The following WWOX variants were observed in gnomAD, a reference collection of about 807,000 sequenced individuals.
The protein encoded by WWOX is WW domain containing oxidoreductase.
A neutral mutation model predicts 46.2 loss-of-function variants in WWOX; 69 were observed. That is an observed-to-expected ratio of 1.49 (90% CI 1.23 to 1.82). WWOX has a LOEUF of 1.82. Among genes scored for constraint, WWOX ranks in the 40% most tolerant of loss-of-function variants. The pLI, the probability that WWOX is intolerant of heterozygous loss-of-function variation, is 0.00. For missense variants in WWOX, 919 were observed against 542.6 expected, an observed-to-expected ratio of 1.69 and a Z score of -6.89; for synonymous variants, 359 against 202.6, an observed-to-expected ratio of 1.77 and a Z score of -6.56.
chr16:78,604,252 G>A (rs1236080504), intron 8 of WWOX, among the ~76,000 whole-genome samples: 1 of 152,074 alleles, frequency 6.6e-6, no homozygotes, highest in Admixed American at 6.5e-5. Flanking sequence ...TAACTCCTGG[G>A]GCACCCTTCC....
chr16:78,675,477 G>C (rs991753387), intron 8 of WWOX, among the ~76,000 whole-genome samples: 1 of 152,048 alleles, frequency 6.6e-6, no homozygotes, highest in Non-Finnish European at 1.5e-5. Context: ...GCCTTGCCAT[G>C]TTCCAGGCAC....
chr16:78,414,373 A>AGCCTG (rs2082750482), intron 6 of WWOX, among the ~76,000 whole-genome samples: 2 of 152,206 alleles, frequency 1.3e-5, no homozygotes, highest in South Asian at 4.1e-4. Context: ...GTTCAAGACC[A>AGCCTG]GCCTGGCCAA....
chr16:78,930,691 C>G (rs532469405), intron 8 of WWOX, among the ~76,000 whole-genome samples: 62 of 151,270 alleles, frequency 4.1e-4, no homozygotes, highest in Non-Finnish European at 7.7e-4. Flanking sequence ...GTAAATGTAT[C>G]AAGGACAAAG....
intron 6 of WWOX, among the ~76,000 whole-genome samples, chr16:78,408,092 C>T (rs765144911): frequency 9.2e-5 from 14 of 152,068 alleles, no homozygotes; most frequent in Non-Finnish European, 1.8e-4. Flanking sequence ...AGGAGCCGGT[C>T]CCTGTTGAAA....
chr16:78,545,883 T>A (rs993606458), intron 8 of WWOX, among the ~76,000 whole-genome samples: 2 of 152,148 alleles, frequency 1.3e-5, no homozygotes, highest in African/African-American at 4.8e-5. Flanking sequence ...CCTCCTCTTA[T>A]AAGGACACCA....
chr16:78,143,258 G>A (rs553613881), intron 4 of WWOX, among the ~76,000 whole-genome samples: 13 of 152,170 alleles, frequency 8.5e-5, no homozygotes, highest in Admixed American at 8.5e-4. Flanking sequence ...ATTTTCTGTG[G>A]TTGTCATCCA....
At chr16:78,514,614 A>AG (rs2151490551) in intron 8 of WWOX, among the ~76,000 whole-genome samples, 1 of 152,328 alleles carries the variant, frequency 6.6e-6, no homozygotes, top group South Asian at 2.1e-4. Flanking sequence ...TACCTGTCCC[A>AG]GGGCAAGATA....
chr16:79,198,336 A>G (rs899361577), intron 8 of WWOX, among the ~76,000 whole-genome samples: 1 of 152,196 alleles, frequency 6.6e-6, no homozygotes, highest in Non-Finnish European at 1.5e-5. Context: ...ACTGTCTCAA[A>G]AAAAGAGAAA....
At chr16:78,795,296 T>C (rs544941388) in intron 8 of WWOX, among the ~76,000 whole-genome samples, 1 of 152,306 alleles carries the variant, frequency 6.6e-6, no homozygotes, top group Non-Finnish European at 1.5e-5. Flanking sequence ...CTCAGGATTT[T>C]AAGTAGAGGG....
chr16:78,872,435 A>C (rs2044148182), intron 8 of WWOX, among the ~76,000 whole-genome samples: 1 of 152,226 alleles, frequency 6.6e-6, no homozygotes, highest in Non-Finnish European at 1.5e-5. Flanking sequence ...TAAAGGAAAG[A>C]AATGCCAGGC....
chr16:78,585,706 G>GT (rs949628645), intron 8 of WWOX, among the ~76,000 whole-genome samples: 15 of 126,084 alleles, frequency 1.2e-4, no homozygotes, highest in African/African-American at 1.7e-4. Flanking sequence ...TGTTTTTTTT[G>GT]TTTTTTTGCC....
intron 6 of WWOX, among the ~76,000 whole-genome samples, chr16:78,388,326 C>T (rs1256868117): frequency 1.3e-5 from 2 of 152,184 alleles, no homozygotes; most frequent in African/African-American, 2.4e-5. Flanking sequence ...CCACTGCGCC[C>T]AGCCGCTCTA....
intron 8 of WWOX, among the ~76,000 whole-genome samples, chr16:78,620,512 C>T (rs1264060340): frequency 6.6e-6 from 1 of 152,150 alleles, no homozygotes; most frequent in South Asian, 2.1e-4. Flanking sequence ...GTCATGTACC[C>T]TCTCCAGACT....
At chr16:78,401,669 T>A (rs1170202652) in intron 6 of WWOX, among the ~76,000 whole-genome samples, 1 of 152,134 alleles carries the variant, frequency 6.6e-6, no homozygotes, top group Non-Finnish European at 1.5e-5. Flanking sequence ...ATTTTTTTTT[T>A]AATTGAGACA....
In WWOX at chr16:78,638,618, C is replaced by G. The variant is rs754770141; in HGVS notation, c.1056+205866C>G. Among the ~76,000 whole-genome samples the G allele has an allele frequency of 2.2e-4, 34 of 152,198 alleles. 1 individual carries two copies. The highest frequency in any genetic ancestry group is 1.6e-4 in the Non-Finnish European group (11 of 68,032). ...GCCACTTGACACCAGACTAATGCTT[C>G]TGACTTTTCCATGGTGCCCCAGCAG... On this transcript the variant is annotated intron_variant, in intron 8 of 8. Coordinates refer to ENST00000566780, the MANE Select transcript of WWOX (RefSeq NM_016373.4).
intron 8 of WWOX, among the ~76,000 whole-genome samples, chr16:78,885,605 A>G (rs1567626120): frequency 6.6e-6 from 1 of 152,222 alleles, no homozygotes; most frequent in Non-Finnish European, 1.5e-5. Context: ...CAGAGAAACT[A>G]GAGCCTCAGT....
chr16:78,552,319 C>G (rs910564328), intron 8 of WWOX: 1 of 152,128 alleles, frequency 6.6e-6, no homozygotes, highest in Admixed American at 6.5e-5. Flanking sequence ...TATTTGGGAT[C>G]CAGGAGGGGA....
intron 8 of WWOX, among the ~76,000 whole-genome samples, chr16:78,847,225 G>C (rs1389464100): frequency 6.6e-6 from 1 of 152,126 alleles, no homozygotes; most frequent in Non-Finnish European, 1.5e-5. Flanking sequence ...ATTACTGCTG[G>C]AGTGTCATTG....
chr16:78,811,414 T>C (rs1362572295), intron 8 of WWOX, among the ~76,000 whole-genome samples: 1 of 152,124 alleles, frequency 6.6e-6, no homozygotes, highest in East Asian at 1.9e-4. Flanking sequence ...TCTATTAACT[T>C]TCTTCATCTC....
Sources: gnomAD v4.1 joint callset for allele counts (sites outside exome capture counted in the v4.1 genomes callset) on GRCh38, gnomAD v4.1.1 for gene constraint, MANE v1.5 for transcripts, NCBI Gene and HGNC (gene_info 2026-07-23, HGNC 2026-07-21) for gene names.